Variants in CXorf38 observed in about 807,000 individuals in gnomAD.
CXorf38 encodes chromosome X open reading frame 38, also known as uncharacterized protein CXorf38.
CXorf38 carries 13 observed loss-of-function variants against 27.5 expected under a neutral mutation model. The ratio of observed to expected loss-of-function variants is 0.47; its 90% CI spans 0.31 to 0.75. The LOEUF is 0.75. Among genes scored for constraint, CXorf38 ranks in the 30% least tolerant of loss-of-function variants. CXorf38 has a pLI of 0.05. For synonymous variants in CXorf38, 100 were observed against 99.8 expected, an observed-to-expected ratio of 1.00 and a Z score of -0.01; for missense variants, 240 against 253.2, an observed-to-expected ratio of 0.95 and a Z score of 0.35.
In CXorf38 at chrX:40,647,115, A is replaced by T; in HGVS notation, c.243T>A (p.Ala81=). The change falls in exon 2 of 7, where the codon GCT becomes GCA. Residue 81 remains alanine, a synonymous_variant. Transcript: ENST00000327877. ...GTCTCAAAATCTCCCTTTTCCATTC[A>T]GCGCACACCTGACACTGAGGCTGAA... ...RQFQPQCQVC[A]EWKREILRHH... is the part of the protein sequence containing the mutation. The T allele has an allele frequency of 9.9e-6, 12 of 1,211,873 alleles. No individual in the cohort carries two copies. The highest frequency in any genetic ancestry group is 1.3e-5 in the Non-Finnish European group (12 of 895,364).
intron 2 of CXorf38, among the ~76,000 whole-genome samples, chrX:40,643,072 A>G (rs768546903): frequency 2.7e-5 from 3 of 109,199 alleles, no homozygotes; most frequent in Non-Finnish European, 5.7e-5. Flanking sequence ...CACCGCGCCC[A>G]GCCACGCCCG....
rs1928117481 is a variant in CXorf38, at chrX:40,637,292, A to G, written c.472-136T>C. ...CAAGAGCAGTCTTCAGATGAGAAGG[A>G]CTGGAACTTTCTTGGGATCATGGGC... On this transcript the variant is annotated intron_variant, in intron 3 of 6. Transcript: ENST00000327877. 4 of 449,192 alleles carry G rather than the reference A, an allele frequency of 8.9e-6. No homozygotes were observed. In the East Asian group the frequency reaches 1.6e-4, roughly 18 times the overall value. The allele number at this position is 449,192 out of a possible 1,213,427, so 37.0% of individuals were successfully genotyped here.
At chrX:40,638,947 C>A in intron 3 of CXorf38, 62 bp downstream of exon 3, 5 of 1,166,976 alleles carry the variant, frequency 4.3e-6, no homozygotes, top group Non-Finnish European at 5.8e-6. Context: ...TAGCTCATGA[C>A]TGGCTCTCAC....
At position 40,632,253 on chromosome X, in the gene CXorf38, C is replaced by G. The variant is rs754823252; in HGVS notation, c.802-1480G>C. Among the ~76,000 whole-genome samples, 4 of 111,645 alleles carry G rather than the reference C, an allele frequency of 3.6e-5. No individual in the cohort carries two copies. In the South Asian group the frequency reaches 1.5e-3, roughly 42 times the overall value. On this transcript the variant is annotated intron_variant, in intron 5 of 6. Coordinates refer to ENST00000327877, the MANE Select transcript of CXorf38 (RefSeq NM_144970.3). ...ATGGACTTTTGCCCTCAGTGGGGTGCCCCTCCACTTGAGCGGAGACTTTCT... is the reference window on the plus strand; with the variant it reads ...ATGGACTTTTGCCCTCAGTGGGGTGGCCCTCCACTTGAGCGGAGACTTTCT...
At chrX:40,643,472 T>C (rs767212872) in intron 2 of CXorf38, among the ~76,000 whole-genome samples, 1 of 111,625 alleles carries the variant, frequency 9.0e-6, no homozygotes, top group South Asian at 3.7e-4. Flanking sequence ...TCTGCTTCTA[T>C]AGATCTGCCT....
chrX:40,637,840 T>C (rs1928143644), intron 3 of CXorf38, among the ~76,000 whole-genome samples: 1 of 111,720 alleles, frequency 9.0e-6, no homozygotes, highest in African/African-American at 3.3e-5. Flanking sequence ...ATTCCTAACA[T>C]AACCTGTAGG....
At position 40,627,498 on chromosome X, in the gene CXorf38, A is replaced by G. The variant is rs1488888783; in HGVS notation, c.*2666T>C. 8.9e-6 allele frequency: 1 copy of G among 112,330 alleles called. No individual in the cohort carries two copies. The highest frequency in any genetic ancestry group is 1.9e-5 in the Non-Finnish European group (1 of 53,260). The allele number at this position is 112,330 out of a possible 1,213,427, so 9.3% of individuals were successfully genotyped here. ...GAGTCACTGCGCCCAGCTGCTATAC[A>G]TTGTTAAACCTTTTGCTTTCTAGTT... On this transcript the variant is annotated 3_prime_UTR_variant, in exon 7 of 7. Transcript: ENST00000327877.
chrX:40,639,012 T>C lies in CXorf38; in HGVS notation c.468A>G (p.Thr156=), dbSNP rs758362619. The C allele has an allele frequency of 2.1e-5, 25 of 1,209,388 alleles. No individual in the cohort carries two copies. The highest frequency in any genetic ancestry group is 2.3e-4 in the Middle Eastern group (1 of 4,365). The part of the protein sequence containing the change: ...DHFVVDRKKV[T]EVIKCRNEIM... Reference sequence around the variant, plus strand: ...TTTTGAATCTGACAGCTCTTACCTCTGTGACTTTCTTTCGATCAACCACGA... The same window carrying C: ...TTTTGAATCTGACAGCTCTTACCTCCGTGACTTTCTTTCGATCAACCACGA... The change falls in exon 3 of 7, where the codon ACA becomes ACG. Residue 156 remains threonine (T), a synonymous_variant. Coordinates refer to ENST00000327877, the MANE Select transcript of CXorf38 (RefSeq NM_144970.3).
At chrX:40,639,150 G>C (rs1399152152) in intron 2 of CXorf38, 22 bp from the exon 3 acceptor site, 1 of 1,197,135 alleles carries the variant, frequency 8.4e-7, no homozygotes, top group Non-Finnish European at 1.1e-6. Context: ...GAGGGAGGAG[G>C]GGGACCTGAG....
Position 40,647,410 on chromosome X carries a change from G to A in CXorf38, c.111C>T (p.Gly37=). 2 of 1,188,903 alleles carry A rather than the reference G, an allele frequency of 1.7e-6. No homozygotes were observed. The highest frequency in any genetic ancestry group is 2.3e-6 in the Non-Finnish European group (2 of 887,850). The part of the protein sequence containing the change: ...LLRSCLQGFV[G]REVLSFHRGL... ...CGCGGTGGAAGGAGAGCACCTCGCG[G>A]CCGACGAAACCCTGCAGGCAGCTGC... Residue 37 remains glycine, a synonymous_variant, in exon 1 of 7, where the codon GGC becomes GGT. Transcript: ENST00000327877.
At chrX:40,630,228 G>A (rs1300013919) in intron 6 of CXorf38, 66 bp from the exon 7 acceptor site, 2 of 120,563 alleles carry the variant, frequency 1.7e-5, no homozygotes, top group African/African-American at 3.2e-5. Context: ...AAATGCTGAA[G>A]ACAGTTACTC....
At chrX:40,642,434 A>G (rs1928365679) in intron 2 of CXorf38, among the ~76,000 whole-genome samples, 1 of 111,682 alleles carries the variant, frequency 9.0e-6, no homozygotes, top group Non-Finnish European at 1.9e-5. Context: ...CCAGAGAAGA[A>G]GGGAACAGAA....
chrX:40,646,732 T>G (rs1249654138), intron 2 of CXorf38, among the ~76,000 whole-genome samples: 1 of 111,354 alleles, frequency 9.0e-6, no homozygotes, highest in Non-Finnish European at 1.9e-5. Flanking sequence ...TCGCTCTGCA[T>G]CTTGCCCCAG....
In CXorf38 at chrX:40,630,735, T is replaced by G; in HGVS notation, c.840A>C (p.Arg280Ser). 1.7e-6 allele frequency: 2 copies of G among 1,210,831 alleles called. No individual in the cohort carries two copies. The highest frequency in any genetic ancestry group is 5.9e-5 in the East Asian group (2 of 33,813). ...NRLEVVKEFL[R>S]NNEDLRNGLT... ...GGCCATTTCTAAGATCCTCATTGTTTCTCAGAAATTCCTTCACCACTTCCA... is the reference window on the plus strand; with the variant it reads ...GGCCATTTCTAAGATCCTCATTGTTGCTCAGAAATTCCTTCACCACTTCCA... Residue 280 changes from arginine (R) to serine (S), a missense_variant, in exon 6 of 7, where the codon AGA becomes AGC. Transcript: ENST00000327877.
chrX:40,635,547 C>T (rs768955475), intron 5 of CXorf38, among the ~76,000 whole-genome samples: 1 of 113,158 alleles, frequency 8.8e-6, no homozygotes, highest in Admixed American at 9.3e-5. Flanking sequence ...CCAGCCAGTG[C>T]TGAAATATTT....
chrX:40,637,490 G>A (rs1928128295), intron 3 of CXorf38, among the ~76,000 whole-genome samples: 1 of 111,001 alleles, frequency 9.0e-6, no homozygotes, highest in African/African-American at 3.3e-5. Context: ...CATGTGTAAT[G>A]GTAAGGAGTC....
At position 40,632,477 on chromosome X, in the gene CXorf38, G is replaced by A. The variant is rs769067529; in HGVS notation, c.802-1704C>T. 2.7e-5 allele frequency among the ~76,000 whole-genome samples: 3 copies of A among 111,848 alleles called. No homozygotes were observed. In the South Asian group the frequency reaches 1.1e-3, roughly 42 times the overall value. ...CCATAGCTGACATTTCTTGAAACTT[G>A]TTTTCTCCTTTGTGAAATGCAACAA... On this transcript the variant is annotated intron_variant, in intron 5 of 6. Transcript: ENST00000327877.
chrX:40,642,782 T>C (rs1237264761), intron 2 of CXorf38, among the ~76,000 whole-genome samples: 2 of 111,121 alleles, frequency 1.8e-5, no homozygotes, highest in African/African-American at 6.6e-5. Context: ...TTTTTCTCTT[T>C]TTTTTCTGAG....
rs1034922878 is a variant in CXorf38, at chrX:40,627,909, T to C, written c.*2255A>G. 34 of 112,253 alleles carry C rather than the reference T, an allele frequency of 3.0e-4. No individual in the cohort carries two copies. The highest frequency in any genetic ancestry group is 2.9e-3 in the Admixed American group (31 of 10,591). The allele number at this position is 112,253 out of a possible 1,213,427, so 9.3% of individuals were successfully genotyped here. On this transcript the variant is annotated 3_prime_UTR_variant, in exon 7 of 7. Coordinates refer to ENST00000327877, the MANE Select transcript of CXorf38 (RefSeq NM_144970.3). ...CCTTGATAAAAGCTTCTTGGATAGA[T>C]AGGCAGAAACTAACTAGACACAGGT...
Sources: gnomAD v4.1 joint callset for allele counts (sites outside exome capture counted in the v4.1 genomes callset) on GRCh38, gnomAD v4.1.1 for gene constraint, MANE v1.5 for transcripts, NCBI Gene and HGNC (gene_info 2026-07-23, HGNC 2026-07-21) for gene names.